Variants in OTUD7A observed in about 807,000 individuals in gnomAD.
OTUD7A encodes OTU domain-containing protein 7A.
A neutral mutation model predicts 65.7 loss-of-function variants in OTUD7A; 12 were observed. The observed-to-expected ratio is 0.18, with a 90% CI of 0.12 to 0.30. OTUD7A has a LOEUF of 0.30. OTUD7A is among the 10% of genes least tolerant of loss of function. The pLI, the probability that OTUD7A is intolerant of heterozygous loss-of-function variation, is 1.00. For missense variants in OTUD7A, 1,148 were observed against 1,304.8 expected, an observed-to-expected ratio of 0.88 and a Z score of 1.85; for synonymous variants, 641 against 586.3, an observed-to-expected ratio of 1.09 and a Z score of -1.35.
At chr15:31,543,073 A>T (rs1325155332) in intron 5 of OTUD7A, among the ~76,000 whole-genome samples, 2 of 151,950 alleles carry the variant, frequency 1.3e-5, no homozygotes, top group Admixed American at 1.3e-4. Context: ...AATCAAAATG[A>T]ATGTTGACTA....
intron 10 of OTUD7A, among the ~76,000 whole-genome samples, chr15:31,492,323 A>G (rs2041327544): frequency 6.6e-6 from 1 of 152,246 alleles, no homozygotes; most frequent in African/African-American, 2.4e-5. Flanking sequence ...TCACACCTGT[A>G]ATTCCAACAC....
In OTUD7A at chr15:31,540,958, T is replaced by A. The variant is rs559030442; in HGVS notation, c.551-10150A>T. 1.3e-5 allele frequency among the ~76,000 whole-genome samples: 2 copies of A among 152,298 alleles called. 1 individual carries two copies. Among genetic ancestry groups the A allele is most frequent in the South Asian group, 4.1e-4 (2 of 4,822 alleles). On this transcript the variant is annotated intron_variant, in intron 5 of 12. Transcript: ENST00000307050. ...AGTACAGAAAATGGGAGGAAGTGTT[T>A]AGGAGCTTTTATAGCAATGCGCTTT... is the stretch of plus-strand genomic sequence containing the variant.
In OTUD7A at chr15:31,510,995, T is replaced by TATGTATATCTATATGTAACATAC. The variant is rs1566892467; in HGVS notation, c.894-7200_894-7178dup. On this transcript the variant is annotated intron_variant, in intron 8 of 12. Transcript: ENST00000307050. The stretch of plus-strand genomic sequence containing the variant: ...AACATATGTATATCTATATGTAACA[T>TATGTATATCTATATGTAACATAC]ATGTATATCTATATGTAACATACAT... Among the ~76,000 whole-genome samples, 342 of 84,758 alleles carry TATGTATATCTATATGTAACATAC rather than the reference T, an allele frequency of 4.0e-3. 134 individuals carry two copies. The highest frequency in any genetic ancestry group is 0.018 in the Middle Eastern group (2 of 110). The allele number at this position is 84,758 out of a possible 152,430, so 55.6% of individuals were successfully genotyped here.
intron 1 of OTUD7A, among the ~76,000 whole-genome samples, chr15:31,796,011 GA>G (rs545729778): frequency 3.3e-4 from 51 of 152,246 alleles, no homozygotes; most frequent in South Asian, 2.5e-3. Flanking sequence ...TCGTTTCATA[GA>G]AGGCTCAGTT....
At chr15:31,825,565 A>AT (rs1335354604) in intron 1 of OTUD7A, among the ~76,000 whole-genome samples, 2 of 152,138 alleles carry the variant, frequency 1.3e-5, no homozygotes, top group Non-Finnish European at 2.9e-5. Context: ...GAGCCAAACC[A>AT]TATCATTCCA....
intron 5 of OTUD7A, among the ~76,000 whole-genome samples, chr15:31,550,795 A>T (rs887413729): frequency 6.6e-6 from 1 of 152,180 alleles, no homozygotes; most frequent in African/African-American, 2.4e-5. Context: ...TTAAATAGGA[A>T]TTCTGTCCAT....
intron 1 of OTUD7A, among the ~76,000 whole-genome samples, chr15:31,672,503 A>T (rs1456247908): frequency 6.6e-6 from 1 of 152,214 alleles, no homozygotes; most frequent in Non-Finnish European, 1.5e-5. Flanking sequence ...GATCGTGCTT[A>T]CTGCTTTAAG....
chr15:31,583,326 G>A lies in OTUD7A; in HGVS notation c.152-13129C>T, dbSNP rs147126652. Among the ~76,000 whole-genome samples, 976 of 152,312 alleles carry A rather than the reference G, an allele frequency of 6.4e-3. 3 individuals carry two copies. Among genetic ancestry groups the A allele is most frequent in the Non-Finnish European group, 9.7e-3 (662 of 68,020 alleles). On this transcript the variant is annotated intron_variant, in intron 3 of 12. Transcript: ENST00000307050. ...GTTGCACAGATGCATGGCAGAGGCA[G>A]ACATGAGATTTGCTGCAGCTGCCAG...
At chr15:31,794,480 T>A (rs1895897845) in intron 1 of OTUD7A, among the ~76,000 whole-genome samples, 1 of 106,172 alleles carries the variant, frequency 9.4e-6, no homozygotes, top group African/African-American at 3.7e-5. Context: ...TTTTGTTAAG[T>A]ACCAAGCATC....
chr15:31,799,128 C>T (rs1896051309), intron 1 of OTUD7A, among the ~76,000 whole-genome samples: 1 of 152,108 alleles, frequency 6.6e-6, no homozygotes, highest in Non-Finnish European at 1.5e-5. Context: ...GATCCTTGAA[C>T]AGAGAGAAGG....
chr15:31,671,108 G>A (rs1317493798), intron 1 of OTUD7A, among the ~76,000 whole-genome samples: 2 of 152,094 alleles, frequency 1.3e-5, no homozygotes, highest in Non-Finnish European at 2.9e-5. Flanking sequence ...TGCTTTTATT[G>A]CAATTGCTTT....
intron 1 of OTUD7A, among the ~76,000 whole-genome samples, chr15:31,852,531 A>T (rs930176808): frequency 6.6e-6 from 1 of 152,254 alleles, no homozygotes; most frequent in Non-Finnish European, 1.5e-5. Context: ...GTAACTACAA[A>T]TAGCTTATAA....
intron 1 of OTUD7A, among the ~76,000 whole-genome samples, chr15:31,831,400 G>A (rs756624826): frequency 4.0e-5 from 6 of 151,274 alleles, no homozygotes; most frequent in South Asian, 2.1e-4. Context: ...TAGGTAGTTC[G>A]CAAATGAAGA....
chr15:31,510,940 TATATGTA>T lies in OTUD7A; in HGVS notation c.894-7129_894-7123del, dbSNP rs2041694283. On this transcript the variant is annotated intron_variant, in intron 8 of 12. Transcript: ENST00000307050. ...TCTATATGTAACATATATGTATATCTATATGTAACATATATGTATATCTATATGTAAC... is the reference window on the plus strand; with the variant it reads ...TCTATATGTAACATATATGTATATCTACATATATGTATATCTATATGTAAC... Among the ~76,000 whole-genome samples, 2 of 28,976 alleles carry T rather than the reference TATATGTA, an allele frequency of 6.9e-5. 1 individual carries two copies. The highest frequency in any genetic ancestry group is 1.1e-4 in the Non-Finnish European group (2 of 18,048). The allele number at this position is 28,976 out of a possible 152,430, so 19.0% of individuals were successfully genotyped here.
At chr15:31,775,582 GA>G (rs2140918990) in intron 1 of OTUD7A, among the ~76,000 whole-genome samples, 1 of 152,312 alleles carries the variant, frequency 6.6e-6, no homozygotes, top group East Asian at 1.9e-4. Context: ...CAACTGTGCA[GA>G]TATCTAGGAG....
rs974766020 is a variant in OTUD7A, at chr15:31,749,054, C to T, written c.-99-91977G>A. On this transcript the variant is annotated intron_variant, in intron 1 of 12. Transcript: ENST00000307050. ...ATCGCAAGGACAAAAAACCAAATAC[C>T]GCATGTTCTCACTCATAGGTGGGAA... Among the ~76,000 whole-genome samples, 8 of 147,434 alleles carry T rather than the reference C, an allele frequency of 5.4e-5. No individual in the cohort carries two copies. In the East Asian group the frequency reaches 1.0e-3, roughly 19 times the overall value.
chr15:31,807,655 G>T (rs769297834), intron 1 of OTUD7A, among the ~76,000 whole-genome samples: 1 of 152,144 alleles, frequency 6.6e-6, no homozygotes, highest in Admixed American at 6.5e-5. Context: ...GCTATGCTCA[G>T]TAACACTTGT....
At chr15:31,617,440 C>T (rs7161832) in intron 3 of OTUD7A, among the ~76,000 whole-genome samples, 43,588 of 151,812 alleles carry the variant, frequency 0.29, 7,379 homozygotes, top group African/African-American at 0.47. Flanking sequence ...TGAGCCCAGA[C>T]TGTGCCACTG....
chr15:31,483,968 C>T lies in OTUD7A; in HGVS notation c.2128G>A (p.Val710Met). 1 of 1,139,762 alleles carries T rather than the reference C, an allele frequency of 8.8e-7. No homozygotes were observed. The allele number at this position is 1,139,762 out of a possible 1,614,324, so 70.6% of individuals were successfully genotyped here. A position where few individuals can be genotyped will look rare whatever the true frequency, so the allele number is the denominator to read the frequency against. The change falls in exon 13 of 13, where the codon GTG becomes ATG. Residue 710 changes from valine (V) to methionine (M), a missense_variant. By Grantham distance (21) the Val-to-Met change is conservative (BLOSUM62 1). Transcript: ENST00000307050. ...GGAGAGGCGCGCTCCGGGACCGGCA[C>T]GCCCTCCGTCTCCGGTCTGCGCGGC... ...RPPRRPETEG[V>M]PVPERASPGP...
Sources: allele counts gnomAD v4.1 joint callset (sites outside exome capture counted in the v4.1 genomes callset), GRCh38; gene constraint gnomAD v4.1.1; transcripts MANE v1.5; gene names NCBI Gene and HGNC (gene_info 2026-07-23, HGNC 2026-07-21).